SOX5: variants seen among roughly 807,000 people sequenced by gnomAD.
SOX5 encodes the protein transcription factor SOX-5.
Under a neutral mutation model 92.0 loss-of-function variants are expected in SOX5, and 9 were observed. That is an observed-to-expected ratio of 0.10 (90% CI 0.06 to 0.17). The LOEUF is 0.17. SOX5 is among the 10% of genes least tolerant of loss of function. The probability of loss-of-function intolerance (pLI) is 1.00; values close to 1 mark genes in which losing one functional copy is unlikely to be tolerated. For missense variants in SOX5, 642 were observed against 944.5 expected, an observed-to-expected ratio of 0.68 and a Z score of 4.20; for synonymous variants, 344 against 336.3, an observed-to-expected ratio of 1.02 and a Z score of -0.25.
chr12:23,696,027 T>C (rs1410048472), intron 6 of SOX5, among the ~76,000 whole-genome samples: 1 of 150,082 alleles, frequency 6.7e-6, no homozygotes, highest in Non-Finnish European at 1.5e-5. Context: ...TAATATATTA[T>C]CCTTCTTATA....
At chr12:23,771,896 A>G (rs2141557693) in intron 3 of SOX5, among the ~76,000 whole-genome samples, 1 of 152,320 alleles carries the variant, frequency 6.6e-6, no homozygotes, top group Non-Finnish European at 1.5e-5. Context: ...CCACCTTGGT[A>G]TATAAAAAAT....
At chr12:23,565,333 G>A (rs1565863124) in intron 10 of SOX5, among the ~76,000 whole-genome samples, 1 of 152,148 alleles carries the variant, frequency 6.6e-6, no homozygotes, top group Admixed American at 6.5e-5. Context: ...ACATGACCGT[G>A]ATGGTCTTGG....
At chr12:24,257,225 T>C (rs185180576) in intron 3 of SOX5, among the ~76,000 whole-genome samples, 1 of 152,318 alleles carries the variant, frequency 6.6e-6, no homozygotes, top group Non-Finnish European at 1.5e-5. Flanking sequence ...AATTTCCTAA[T>C]TATCATTGCT....
At chr12:24,543,977 T>A (rs1952379535) in intron 1 of SOX5, among the ~76,000 whole-genome samples, 2 of 152,220 alleles carry the variant, frequency 1.3e-5, no homozygotes, top group African/African-American at 4.8e-5. Flanking sequence ...ATATCCTTAT[T>A]AAGACATCTA....
chr12:24,424,508 T>A (rs2136968252), intron 1 of SOX5, among the ~76,000 whole-genome samples: 1 of 152,248 alleles, frequency 6.6e-6, no homozygotes, highest in Middle Eastern at 3.4e-3. Flanking sequence ...CAGGCTGCTA[T>A]GAGAACAAGC....
At chr12:24,010,659 G>A (rs1952810243) in intron 4 of SOX5, among the ~76,000 whole-genome samples, 1 of 152,164 alleles carries the variant, frequency 6.6e-6, no homozygotes, top group Non-Finnish European at 1.5e-5. Context: ...TCTAGGCCGG[G>A]TGCTGTGGCT....
chr12:23,539,711 G>A (rs1301143896), intron 13 of SOX5, among the ~76,000 whole-genome samples: 3 of 151,998 alleles, frequency 2.0e-5, no homozygotes, highest in Non-Finnish European at 2.9e-5. Context: ...TGGCATGAAC[G>A]GGAATTATAA....
intron 1 of SOX5, among the ~76,000 whole-genome samples, chr12:24,470,507 T>C (rs1439413795): frequency 6.6e-6 from 1 of 151,512 alleles, no homozygotes; most frequent in African/African-American, 2.4e-5. Context: ...CAGCTTTTCA[T>C]TCATAAGGGT....
chr12:23,760,753 C>T (rs2094541263), intron 3 of SOX5, among the ~76,000 whole-genome samples: 1 of 152,078 alleles, frequency 6.6e-6, no homozygotes, highest in African/African-American at 2.4e-5. Context: ...ACAATGAGAC[C>T]TAGAGACTCA....
At chr12:24,203,884 T>C (rs960146738) in intron 4 of SOX5, among the ~76,000 whole-genome samples, 8 of 152,232 alleles carry the variant, frequency 5.3e-5, no homozygotes, top group Non-Finnish European at 1.0e-4. Flanking sequence ...TCTTGCTATT[T>C]TTTAATATTT....
At chr12:23,807,674 T>C (rs2095804018) in intron 3 of SOX5, among the ~76,000 whole-genome samples, 4 of 149,992 alleles carry the variant, frequency 2.7e-5, no homozygotes, top group African/African-American at 9.8e-5. Context: ...AGAGTTTTGC[T>C]GTGTTGCCCA....
At chr12:24,542,758 T>C (rs1952257460) in intron 1 of SOX5, among the ~76,000 whole-genome samples, 1 of 152,258 alleles carries the variant, frequency 6.6e-6, no homozygotes, top group African/African-American at 2.4e-5. Flanking sequence ...GAAAGGCAAA[T>C]TGTTTATAAG....
chr12:24,330,337 T>C (rs778515502), intron 2 of SOX5, among the ~76,000 whole-genome samples: 1 of 151,904 alleles, frequency 6.6e-6, no homozygotes, highest in Non-Finnish European at 1.5e-5. Context: ...CTAAAAGAAA[T>C]GTTCAAGATG....
chr12:24,244,815 C>T (rs1031411181), intron 3 of SOX5, among the ~76,000 whole-genome samples: 1 of 152,194 alleles, frequency 6.6e-6, no homozygotes, highest in African/African-American at 2.4e-5. Context: ...GCCTCAGCCT[C>T]CCAAGTGGTG....
intron 1 of SOX5, among the ~76,000 whole-genome samples, chr12:24,553,301 T>A (rs1953397164): frequency 6.6e-6 from 1 of 152,198 alleles, no homozygotes; most frequent in South Asian, 2.1e-4. Flanking sequence ...CACTGGAGTC[T>A]CTTGTTCATC....
intron 2 of SOX5, among the ~76,000 whole-genome samples, chr12:23,873,007 T>G (rs1423121543): frequency 2.0e-5 from 3 of 152,198 alleles, no homozygotes; most frequent in Non-Finnish European, 4.4e-5. Context: ...TCTATAAACC[T>G]ACAAAATACA....
chr12:23,983,385 A>G (rs1057492259), intron 4 of SOX5, among the ~76,000 whole-genome samples: 1 of 152,158 alleles, frequency 6.6e-6, no homozygotes, highest in Admixed American at 6.6e-5. Flanking sequence ...GCATCAAATG[A>G]TAACACTGTG....
chr12:24,289,750 C>T lies in SOX5; in HGVS notation c.-173-12438G>A, dbSNP rs142474975. On this transcript the variant is annotated intron_variant, in intron 2 of 4. Transcript: ENST00000446891. The stretch of plus-strand genomic sequence containing the variant: ...GATTACAGGCGTGAGCCACCGCGCC[C>T]GGCCGGACATTTGTATCTTGAAAGC... 6.4e-3 allele frequency among the ~76,000 whole-genome samples: 975 copies of T among 152,076 alleles called. 194 individuals are homozygous for T. Among genetic ancestry groups the T allele is most frequent in the African/African-American group, 0.022 (930 of 41,368 alleles).
intron 6 of SOX5, among the ~76,000 whole-genome samples, chr12:23,672,983 A>G (rs75986887): frequency 6.6e-6 from 1 of 152,160 alleles, no homozygotes; most frequent in Non-Finnish European, 1.5e-5. Flanking sequence ...TCAAAAAATG[A>G]TGACATGTAT....
Sources: gnomAD v4.1 joint callset for allele counts (sites outside exome capture counted in the v4.1 genomes callset) on GRCh38, gnomAD v4.1.1 for gene constraint, MANE v1.5 for transcripts, NCBI Gene and HGNC (gene_info 2026-07-23, HGNC 2026-07-21) for gene names.